The following HUWE1 variants were observed in gnomAD, a reference collection of about 807,000 sequenced individuals.
The protein encoded by HUWE1 is E3 ubiquitin-protein ligase HUWE1.
HUWE1 carries 18 observed loss-of-function variants against 299.4 expected under a neutral mutation model. That is an observed-to-expected ratio of 0.06 (90% CI 0.04 to 0.09). HUWE1 has a LOEUF of 0.09. Ranked by LOEUF, HUWE1 falls within the 10% of genes least tolerant of loss-of-function variation. HUWE1 has a pLI of 1.00. For missense variants in HUWE1, 1,832 were observed against 3,462.3 expected, an observed-to-expected ratio of 0.53 and a Z score of 11.82; for synonymous variants, 1,317 against 1,286.1, an observed-to-expected ratio of 1.02 and a Z score of -0.51.
intron 23 of HUWE1, among the ~76,000 whole-genome samples, chrX:53,614,033 G>A (rs1168747131): frequency 8.9e-6 from 1 of 111,918 alleles, no homozygotes; most frequent in Non-Finnish European, 1.9e-5. Context: ...GGGAAGCCGA[G>A]GTGGGTAGAT....
At position 53,565,208 on chromosome X, in the gene HUWE1, G is replaced by A. The variant is rs782576232; in HGVS notation, c.6739C>T (p.Leu2247=). The change falls in exon 50 of 84, where the codon CTG becomes TTG. Residue 2247 remains leucine (L), a synonymous_variant. Coordinates refer to ENST00000262854, the MANE Select transcript of HUWE1 (RefSeq NM_031407.7). ...PNMANTVNAA[L]KPLETLSRIV... ...CGGGAAAGTGTTTCCAAAGGCTTCA[G>A]AGCAGCATTGACTGTGTTGGCCATG... 4.1e-6 allele frequency: 5 copies of A among 1,211,055 alleles called. No homozygotes were observed. The South Asian group carries it at 8.8e-5, about 21-fold the overall frequency.
At position 53,593,529 on chromosome X, in the gene HUWE1, A is replaced by C; in HGVS notation, c.3576T>G (p.Pro1192=). Residue 1192 remains proline (P), a synonymous_variant, in exon 32 of 84, where the codon CCT becomes CCG. Coordinates refer to ENST00000262854, the MANE Select transcript of HUWE1 (RefSeq NM_031407.7). ...VSEGLEHSDL[P]DGTGEFLDAW... ...CATCTAGGAATTCTCCTGTGCCATC[A>C]GGCAAGTCTGAGTGTTCCAATCCCT... 1 of 1,211,676 alleles carries C rather than the reference A, an allele frequency of 8.3e-7. No individual in the cohort carries two copies. The highest frequency in any genetic ancestry group is 1.1e-6 in the Non-Finnish European group (1 of 895,196).
chrX:53,673,780 G>A lies in HUWE1; in HGVS notation c.-25+6269C>T, dbSNP rs782446261. Among the ~76,000 whole-genome samples, 4 of 111,672 alleles carry A rather than the reference G, an allele frequency of 3.6e-5. No homozygotes were observed. The East Asian group carries it at 1.1e-3, about 31-fold the overall frequency. ...ATAAATGTTAAAAATGATCAATTCT[G>A]GAGTGGGGGTAGGGACAGGGATTGT... is the stretch of plus-strand genomic sequence containing the variant. On this transcript the variant is annotated intron_variant, in intron 3 of 83. Coordinates refer to ENST00000262854, the MANE Select transcript of HUWE1 (RefSeq NM_031407.7).
chrX:53,663,427 C>T (rs1468715555), intron 3 of HUWE1, among the ~76,000 whole-genome samples: 2 of 110,804 alleles, frequency 1.8e-5, no homozygotes, highest in Non-Finnish European at 3.8e-5. Flanking sequence ...GCAGGAGAAT[C>T]GCTTAAACCC....
At chrX:53,547,122 C>T (rs1348079181) in intron 68 of HUWE1, among the ~76,000 whole-genome samples, 1 of 112,103 alleles carries the variant, frequency 8.9e-6, no homozygotes, top group Non-Finnish European at 1.9e-5. Context: ...GAAAAAGAAA[C>T]CCCAGGCATT....
In HUWE1 at chrX:53,536,171, G is replaced by C. The variant is rs1172593502; in HGVS notation, c.12507C>G (p.Gly4169=). The C allele has an allele frequency of 2.2e-5, 26 of 1,196,269 alleles. No individual in the cohort carries two copies. The highest frequency in any genetic ancestry group is 2.8e-5 in the Non-Finnish European group (25 of 883,518). The change falls in exon 80 of 84, where the codon GGC becomes GGG. Residue 4169 remains glycine, a synonymous_variant. Transcript: ENST00000262854. ...CCTCAGTGCTGAAGGTGAGGTCATA[G>C]CCTAGTGTGGAGACATCATTTTCCA... The part of the protein sequence containing the change: ...YLLENDVSTL[G]YDLTFSTEVQ...
chrX:53,641,408 A>G (rs1361068490), intron 7 of HUWE1, among the ~76,000 whole-genome samples: 1 of 112,144 alleles, frequency 8.9e-6, no homozygotes, highest in East Asian at 2.8e-4. Context: ...CCACTTAATC[A>G]ATTTGACTGA....
chrX:53,575,100 T>A, intron 46 of HUWE1, 55 bp downstream of exon 46: 1 of 950,479 alleles, frequency 1.1e-6, no homozygotes. Context: ...TACAGTTTTT[T>A]CAAGTTGTTT....
rs143599552 is a variant in HUWE1 at position 53,534,169 on chromosome X, G to A, written c.12860C>T (p.Ser4287Phe). The change falls in exon 83 of 84, where the codon TCT becomes TTT. Residue 4287 changes from serine (S) to phenylalanine (F), a missense_variant. Transcript: ENST00000262854. ...CTTGGCACGGTCAGCTTGATCGAAA[G>A]AACGCAATGCTCTCCAGAACCACTG... ...QIQWFWRALR[S>F]FDQADRAKFL... 4 of 1,208,182 alleles carry A rather than the reference G, an allele frequency of 3.3e-6. No homozygotes were observed. Among genetic ancestry groups the A allele is most frequent in the Non-Finnish European group, 4.5e-6 (4 of 894,253 alleles).
At chrX:53,579,389 C>T (rs1343808945) in intron 43 of HUWE1, among the ~76,000 whole-genome samples, 3 of 110,777 alleles carry the variant, frequency 2.7e-5, no homozygotes, top group African/African-American at 9.9e-5. Flanking sequence ...TCTGCCCGGC[C>T]GCCCCTACTG....
rs1206985910 is a variant in HUWE1 at position 53,532,586 on chromosome X, C to A, written c.*723G>T. 1 of 108,950 alleles carries A rather than the reference C, an allele frequency of 9.2e-6. No individual in the cohort carries two copies. Among genetic ancestry groups the A allele is most frequent in the South Asian group, 3.9e-4 (1 of 2,576 alleles). 9.0% of individuals were successfully genotyped at this position (108,950 alleles called of 1,213,427 possible). A position where few individuals can be genotyped will look rare whatever the true frequency, so the allele number is the denominator to read the frequency against. On this transcript the variant is annotated 3_prime_UTR_variant, in exon 84 of 84. Coordinates refer to ENST00000262854, the MANE Select transcript of HUWE1 (RefSeq NM_031407.7). Reference sequence around the variant, plus strand: ...AAAAAAAAACAGATGCCCCCACCCCCAATTCCTGGTGAACTGCTCATCTCT... The same window carrying A: ...AAAAAAAAACAGATGCCCCCACCCCAAATTCCTGGTGAACTGCTCATCTCT...
At chrX:53,663,104 T>C (rs1257785925) in intron 3 of HUWE1, among the ~76,000 whole-genome samples, 3 of 112,332 alleles carry the variant, frequency 2.7e-5, no homozygotes, top group Non-Finnish European at 5.6e-5. Context: ...AAATTGGTAA[T>C]AGAGACAATT....
chrX:53,559,998 TTCCCCAAAAGGCTGCAC>T (rs1221837314), intron 56 of HUWE1, among the ~76,000 whole-genome samples, 173 bp downstream of exon 56: 1 of 112,279 alleles, frequency 8.9e-6, no homozygotes, highest in African/African-American at 3.3e-5. Flanking sequence ...TAATTTGGTA[TTCCCCAAAAGGCTGCAC>T]TCCCCAAAAG....
Position 53,577,034 on chromosome X carries a change from T to C in HUWE1, c.5750A>G (p.Lys1917Arg). ...CACCAGCTGTACAGCATTAGGGCCT[T>C]TAATTCTAAGATTCTCAAATTCATC... ...SDDEFENLRI[K>R]GPNAVQLVKT... The change falls in exon 44 of 84, where the codon AAA (lysine) becomes AGA (arginine). Residue 1917 changes from lysine (K) to arginine (R), a missense_variant. Lys to Arg is a conservative substitution (Grantham distance 26). This residue lies in a region of HUWE1 where 47 missense variants were observed against 45.8 expected (regional missense o/e 1.03). Transcript: ENST00000262854. The C allele has an allele frequency of 8.3e-7, 1 of 1,209,425 alleles. No homozygotes were observed. The highest frequency in any genetic ancestry group is 1.1e-6 in the Non-Finnish European group (1 of 893,684).
At chrX:53,574,942 ATTACTAGG>A (rs1556956932) in intron 46 of HUWE1, among the ~76,000 whole-genome samples, 5 of 112,632 alleles carry the variant, frequency 4.4e-5, no homozygotes, top group African/African-American at 1.6e-4. Flanking sequence ...CACAGCAACC[ATTACTAGG>A]TTGGTTAACT....
At chrX:53,590,280 G>C (rs2064088954) in intron 35 of HUWE1, 124 bp downstream of exon 35, 1 of 565,723 alleles carries the variant, frequency 1.8e-6, no homozygotes, top group Admixed American at 2.4e-5. Context: ...GGATGAATTA[G>C]TACTCTTCTC....
chrX:53,606,724 C>A (rs1375473431), intron 25 of HUWE1, among the ~76,000 whole-genome samples: 1 of 111,473 alleles, frequency 9.0e-6, no homozygotes, highest in Non-Finnish European at 1.9e-5. Context: ...AAAAGCCGGT[C>A]GCACATACAA....
chrX:53,645,846 G>A (rs1331364312), intron 6 of HUWE1, among the ~76,000 whole-genome samples: 1 of 101,590 alleles, frequency 9.8e-6, no homozygotes, highest in Non-Finnish European at 2.0e-5. Context: ...GCTATAAAGT[G>A]CAATAAAAGT....
At chrX:53,551,921 A>G (rs2061784820) in intron 63 of HUWE1, among the ~76,000 whole-genome samples, 1 of 111,697 alleles carries the variant, frequency 9.0e-6, no homozygotes, top group Non-Finnish European at 1.9e-5. Flanking sequence ...CATGGGACAC[A>G]GAGAAGGCCC....
Sources: allele counts gnomAD v4.1 joint callset (sites outside exome capture counted in the v4.1 genomes callset), GRCh38; gene constraint gnomAD v4.1.1; regional missense constraint gnomAD v4.1.1; transcripts MANE v1.5; gene names NCBI Gene and HGNC (gene_info 2026-07-23, HGNC 2026-07-21).